DCAF1: variants seen among roughly 807,000 people sequenced by gnomAD.
DCAF1 encodes the protein DDB1 and CUL4 associated factor 1.
In DCAF1, 15 loss-of-function variants were observed where a neutral mutation model predicts 128.0. The ratio of observed to expected loss-of-function variants is 0.12; its 90% CI spans 0.08 to 0.18. The LOEUF (loss-of-function observed/expected upper bound fraction) is 0.18, where lower values mean the gene tolerates loss of function less well. DCAF1 is among the 10% of genes least tolerant of loss of function. DCAF1 has a pLI of 1.00. For missense variants in DCAF1, 988 were observed against 1,649.5 expected (o/e 0.60, Z 6.95); for synonymous variants, 610 against 603.0 (o/e 1.01, Z -0.17).
Position 51,414,004 on chromosome 3 carries a change from C to A in DCAF1, c.3877G>T (p.Ala1293Ser). 1 of 1,603,862 alleles carries A rather than the reference C, an allele frequency of 6.2e-7. No homozygotes were observed. Among genetic ancestry groups the A allele is most frequent in the Non-Finnish European group, 8.5e-7 (1 of 1,175,734 alleles). Residue 1293 changes from alanine to serine, a missense_variant, in exon 20 of 25, where the codon GCT becomes TCT. Ala to Ser is a moderately conservative substitution (Grantham distance 99, BLOSUM62 1). Transcript: ENST00000684031. ...RTFHLLHTVPALDQCRVVFNH... is the reference protein window; with the variant it reads ...RTFHLLHTVPSLDQCRVVFNH... The stretch of plus-strand genomic sequence containing the variant: ...AACACCACGCGACACTGATCCAGAG[C>A]GGGAACAGTATGCAAAAGATGAAAA...
At chr3:51,477,387 A>G (rs1705597437) in intron 3 of DCAF1, among the ~76,000 whole-genome samples, 1 of 151,760 alleles carries the variant, frequency 6.6e-6, no homozygotes, top group Non-Finnish European at 1.5e-5. Flanking sequence ...CAATTTGGTG[A>G]AGGAGGGAAG....
intron 4 of DCAF1, among the ~76,000 whole-genome samples, chr3:51,467,566 T>G (rs868992711): frequency 1.3e-5 from 2 of 151,934 alleles, no homozygotes; most frequent in Admixed American, 1.3e-4. Context: ...AGTTAATGGG[T>G]GCAGCACACC....
intron 3 of DCAF1, among the ~76,000 whole-genome samples, chr3:51,482,651 G>A (rs1028539908): frequency 1.3e-5 from 2 of 148,686 alleles, no homozygotes; most frequent in African/African-American, 5.0e-5. Context: ...TGTAATCCCA[G>A]CTACTCGGGA....
At chr3:51,491,747 A>G (rs1707673784) in intron 2 of DCAF1, among the ~76,000 whole-genome samples, 1 of 152,020 alleles carries the variant, frequency 6.6e-6, no homozygotes, top group African/African-American at 2.4e-5. Flanking sequence ...AGGGGGGCTG[A>G]GGCAGGAGAA....
chr3:51,430,215 G>A lies in DCAF1; in HGVS notation c.1288-3C>T. 1 of 768,622 alleles carries A rather than the reference G, an allele frequency of 1.3e-6. No homozygotes were observed. The highest frequency in any genetic ancestry group is 2.4e-6 in the Non-Finnish European group (1 of 411,236). 47.6% of individuals were successfully genotyped at this position (768,622 alleles called of 1,614,324 possible). A position where few individuals can be genotyped will look rare whatever the true frequency, so the allele number is the denominator to read the frequency against. ...ACATTGTGGGGATGCATGCAAACCT[G>A]CAAAAAAATACAAATAAAACAATGC... On this transcript the variant is annotated splice_region_variant and splice_polypyrimidine_tract_variant and intron_variant, in intron 10 of 24. Coordinates refer to ENST00000684031, the MANE Select transcript of DCAF1 (RefSeq NM_001387579.1).
In DCAF1 at chr3:51,441,388, C is replaced by T; in HGVS notation, c.1023G>A (p.Gln341=). Residue 341 remains glutamine (Q), a synonymous_variant, in exon 8 of 25, where the codon CAG becomes CAA. Coordinates refer to ENST00000684031, the MANE Select transcript of DCAF1 (RefSeq NM_001387579.1). The stretch of plus-strand genomic sequence containing the variant: ...GTACTCTTCCCAATAAGCTTACCTC[C>T]TGATATTCTCCTAGAGGGGTCAAAT... ...LQYLTPLGEY[Q]ELLPIFMQLG... 6.2e-6 allele frequency: 10 copies of T among 1,611,586 alleles called. No homozygotes were observed. Among genetic ancestry groups the T allele is most frequent in the Non-Finnish European group, 8.5e-6 (10 of 1,178,634 alleles).
At chr3:51,456,897 C>T (rs1331267623) in intron 6 of DCAF1, among the ~76,000 whole-genome samples, 1 of 152,118 alleles carries the variant, frequency 6.6e-6, no homozygotes, top group Non-Finnish European at 1.5e-5. Context: ...GACATCCACA[C>T]CAAAAACCCA....
chr3:51,434,081 C>CA lies in DCAF1; in HGVS notation c.1129-818dup, dbSNP rs1282871237. 5.5e-3 allele frequency among the ~76,000 whole-genome samples: 508 copies of CA among 91,794 alleles called. 5 individuals are homozygous for CA. Among genetic ancestry groups the CA allele is most frequent in the East Asian group, 0.048 (161 of 3,350 alleles). The allele number at this position is 91,794 out of a possible 152,430, so 60.2% of individuals were successfully genotyped here. A position where few individuals can be genotyped will look rare whatever the true frequency, so the allele number is the denominator to read the frequency against. ...TGGGCGACGGAAGGAGACCCTGTCT[C>CA]AAAAAAAAAAAAAAAAATTTACTAT... On this transcript the variant is annotated intron_variant, in intron 9 of 24. Coordinates refer to ENST00000684031, the MANE Select transcript of DCAF1 (RefSeq NM_001387579.1).
intron 24 of DCAF1, 102 bp downstream of exon 24, chr3:51,403,041 C>T: frequency 6.7e-7 from 1 of 1,484,976 alleles, no homozygotes; most frequent in South Asian, 1.4e-5. Context: ...AATTATGGGG[C>T]ACAGAACCGT....
rs1314193180 is a variant in DCAF1, at chr3:51,408,005, A to AAAC, written c.4212+4373_4212+4374insGTT. Among the ~76,000 whole-genome samples, 4 of 150,462 alleles carry AAAC rather than the reference A, an allele frequency of 2.7e-5. No individual in the cohort carries two copies. The East Asian group carries it at 7.7e-4, about 29-fold the overall frequency. On this transcript the variant is annotated intron_variant, in intron 23 of 24. Transcript: ENST00000684031. ...ATCTCAAAAAAAAAAAAAAAAAAAA[A>AAAC]AAAACAACCAGATACCAAACTTCTA... is the stretch of plus-strand genomic sequence containing the variant.
At chr3:51,470,874 T>C (rs1339901481) in intron 4 of DCAF1, 55 bp downstream of exon 4, 2 of 1,329,030 alleles carry the variant, frequency 1.5e-6, no homozygotes, top group African/African-American at 1.5e-5. Flanking sequence ...CTCGCTTTAA[T>C]AAAAGTGTCT....
chr3:51,429,125 T>C, intron 12 of DCAF1, 136 bp downstream of exon 12: 1 of 614,906 alleles, frequency 1.6e-6, no homozygotes, highest in Non-Finnish European at 3.0e-6. Flanking sequence ...TTTTCAATTG[T>C]TCTGCCTTCA....
At chr3:51,443,623 ACT>A (rs1701575384) in intron 7 of DCAF1, 141 bp downstream of exon 7, 1 of 773,856 alleles carries the variant, frequency 1.3e-6, no homozygotes, top group African/African-American at 1.8e-5. Flanking sequence ...ATTTTTAAAA[ACT>A]CTTATGGAAA....
chr3:51,440,919 A>T (rs1701302413), intron 9 of DCAF1, 51 bp downstream of exon 9: 1 of 1,488,814 alleles, frequency 6.7e-7, no homozygotes, highest in Admixed American at 2.1e-5. Context: ...TTTAAAAAAA[A>T]ACAAAGTTTT....
chr3:51,411,171 A>T (rs573046035), intron 23 of DCAF1, among the ~76,000 whole-genome samples: 1 of 151,800 alleles, frequency 6.6e-6, no homozygotes, highest in African/African-American at 2.4e-5. Context: ...CAGAAAAAAA[A>T]AAAAAAAAAA....
chr3:51,435,415 C>T (rs1276396543), intron 9 of DCAF1, among the ~76,000 whole-genome samples: 1 of 152,190 alleles, frequency 6.6e-6, no homozygotes, highest in Non-Finnish European at 1.5e-5. Flanking sequence ...AGACACGTTA[C>T]TCTAATTACA....
chr3:51,404,766 AAC>A (rs539788288), intron 23 of DCAF1, among the ~76,000 whole-genome samples: 4 of 152,122 alleles, frequency 2.6e-5, no homozygotes, highest in African/African-American at 9.7e-5. Flanking sequence ...TGTATGTGCC[AAC>A]ACACACACAC....
chr3:51,416,965 AAT>A, intron 17 of DCAF1, 94 bp from the exon 18 acceptor site: 1 of 1,520,900 alleles, frequency 6.6e-7, no homozygotes, highest in South Asian at 1.2e-5. Context: ...CCTCTTGCAC[AAT>A]CACACTCACC....
chr3:51,469,622 G>A (rs925781067), intron 4 of DCAF1, among the ~76,000 whole-genome samples: 2 of 152,066 alleles, frequency 1.3e-5, no homozygotes, highest in Admixed American at 6.6e-5. Flanking sequence ...TTGCCCACTG[G>A]TGATCTACCT....
Sources: allele counts gnomAD v4.1 joint callset (sites outside exome capture counted in the v4.1 genomes callset), GRCh38; gene constraint gnomAD v4.1.1; transcripts MANE v1.5; gene names NCBI Gene and HGNC (gene_info 2026-07-23, HGNC 2026-07-21).